The following GRIK4 variants were observed in gnomAD, a reference collection of about 807,000 sequenced individuals.
GRIK4 encodes the protein glutamate receptor ionotropic, kainate 4.
A neutral mutation model predicts 104.9 loss-of-function variants in GRIK4; 40 were observed. The ratio of observed to expected loss-of-function variants is 0.38; its 90% CI spans 0.30 to 0.50. The LOEUF (loss-of-function observed/expected upper bound fraction) is 0.50, where lower values mean the gene tolerates loss of function less well. Among genes scored for constraint, GRIK4 ranks in the 20% least tolerant of loss-of-function variants. The pLI, the probability that GRIK4 is intolerant of heterozygous loss-of-function variation, is 0.93. For missense variants in GRIK4, 1,047 were observed against 1,308.1 expected (o/e 0.80, Z 3.08); for synonymous variants, 485 against 524.9 (o/e 0.92, Z 1.04).
chr11:120,757,524 A>G (rs1218797957), intron 3 of GRIK4, among the ~76,000 whole-genome samples: 1 of 152,234 alleles, frequency 6.6e-6, no homozygotes, highest in Non-Finnish European at 1.5e-5. Flanking sequence ...GTAGCCATTA[A>G]TATCTCTTTC....
chr11:120,721,686 G>C (rs780235120), intron 3 of GRIK4, among the ~76,000 whole-genome samples: 4 of 152,120 alleles, frequency 2.6e-5, no homozygotes, highest in African/African-American at 9.7e-5. Context: ...CAGGTGGCTG[G>C]TGGTCCAGAG....
At chr11:120,744,837 T>C (rs1951411746) in intron 3 of GRIK4, among the ~76,000 whole-genome samples, 5 of 152,232 alleles carry the variant, frequency 3.3e-5, no homozygotes, top group Admixed American at 2.6e-4. Context: ...TAATAACTGT[T>C]ATTTATATAA....
intron 3 of GRIK4, among the ~76,000 whole-genome samples, chr11:120,673,866 C>T (rs11217958): frequency 0.13 from 19,449 of 152,204 alleles, 1,365 homozygotes; most frequent in South Asian, 0.23. Context: ...TTTGCTTTTC[C>T]TTAGATTCAC....
intron 1 of GRIK4, among the ~76,000 whole-genome samples, chr11:120,589,445 C>G (rs1305672172): frequency 1.3e-5 from 2 of 152,170 alleles, no homozygotes; most frequent in Non-Finnish European, 1.5e-5. Flanking sequence ...CTGCTTTTGA[C>G]TGAAGATAAA....
intron 3 of GRIK4, among the ~76,000 whole-genome samples, chr11:120,718,068 A>G (rs1950867326): frequency 6.6e-6 from 1 of 152,200 alleles, no homozygotes; most frequent in Non-Finnish European, 1.5e-5. Flanking sequence ...TGATTCCAGG[A>G]AAGGATCATA....
intron 3 of GRIK4, among the ~76,000 whole-genome samples, chr11:120,686,189 A>G (rs1024150377): frequency 6.6e-6 from 1 of 152,200 alleles, no homozygotes; most frequent in Non-Finnish European, 1.5e-5. Flanking sequence ...ACATCCATCA[A>G]TCTGAACCCA....
intron 18 of GRIK4, among the ~76,000 whole-genome samples, chr11:120,964,672 G>T (rs1432580373): frequency 6.6e-6 from 1 of 152,144 alleles, no homozygotes; most frequent in Non-Finnish European, 1.5e-5. Context: ...CACAACTCTA[G>T]AAATTTTCAT....
At chr11:120,609,568 C>T (rs1314159473) in intron 1 of GRIK4, among the ~76,000 whole-genome samples, 1 of 121,012 alleles carries the variant, frequency 8.3e-6, no homozygotes, top group Admixed American at 1.1e-4. Context: ...GCTCTGTTGC[C>T]CAGGCTGGAG....
At chr11:120,566,760 G>A (rs1012516030) in intron 1 of GRIK4, among the ~76,000 whole-genome samples, 14 of 148,438 alleles carry the variant, frequency 9.4e-5, no homozygotes, top group African/African-American at 3.2e-4. Context: ...CTGGAGTGCA[G>A]TGGTGCGATC....
chr11:120,725,769 A>G (rs569723067), intron 3 of GRIK4, among the ~76,000 whole-genome samples: 3 of 152,282 alleles, frequency 2.0e-5, no homozygotes, highest in South Asian at 4.1e-4. Flanking sequence ...CTATGGAACT[A>G]TTGGGTCACT....
chr11:120,642,733 G>A (rs1051720359), intron 1 of GRIK4, among the ~76,000 whole-genome samples: 6 of 152,292 alleles, frequency 3.9e-5, no homozygotes, highest in Non-Finnish European at 5.9e-5. Flanking sequence ...GCGGCCTTGG[G>A]TTCTCCTTGC....
At chr11:120,624,200 C>T (rs960395595) in intron 1 of GRIK4, among the ~76,000 whole-genome samples, 2 of 152,206 alleles carry the variant, frequency 1.3e-5, no homozygotes, top group Non-Finnish European at 2.9e-5. Flanking sequence ...CATCTCATCA[C>T]ACTACTTTAA....
rs1355533551 is a variant in GRIK4, at chr11:120,988,190, T to C, written c.*1930T>C. On this transcript the variant is annotated 3_prime_UTR_variant, in exon 21 of 21. Coordinates refer to ENST00000527524, the MANE Select transcript of GRIK4 (RefSeq NM_014619.5). ...ACTCATGAATTTGAATCCTTTATCT[T>C]TTTTCTCTTTAACCATCAAATGACA... 3.3e-5 allele frequency: 5 copies of C among 152,178 alleles called. No individual in the cohort carries two copies. Among genetic ancestry groups the C allele is most frequent in the African/African-American group, 1.2e-4 (5 of 41,436 alleles). 9.4% of individuals were successfully genotyped at this position (152,178 alleles called of 1,614,324 possible).
chr11:120,925,816 C>CA (rs1283189742), intron 13 of GRIK4, among the ~76,000 whole-genome samples: 21 of 151,190 alleles, frequency 1.4e-4, no homozygotes, highest in South Asian at 8.3e-4. Flanking sequence ...ACTAAAAATA[C>CA]AAAAAAAATT....
At chr11:120,815,745 C>T (rs1329819365) in intron 5 of GRIK4, among the ~76,000 whole-genome samples, 1 of 152,042 alleles carries the variant, frequency 6.6e-6, no homozygotes, top group East Asian at 1.9e-4. Context: ...CCCCAGCGGC[C>T]TCTTGGTGGT....
At chr11:120,834,107 A>T (rs1275403514) in intron 7 of GRIK4, among the ~76,000 whole-genome samples, 3 of 152,346 alleles carry the variant, frequency 2.0e-5, no homozygotes, top group Middle Eastern at 3.4e-3. Flanking sequence ...AAGTGGAATT[A>T]CTGAGTTAAA....
In GRIK4 at chr11:120,986,200, C is replaced by T. The variant is rs776035075; in HGVS notation, c.2811C>T (p.Pro937=). 1.5e-5 allele frequency: 24 copies of T among 1,569,320 alleles called. No homozygotes were observed. Among genetic ancestry groups the T allele is most frequent in the African/African-American group, 9.8e-5 (7 of 71,676 alleles). Residue 937 remains proline, a synonymous_variant, in exon 21 of 21, where the codon CCC becomes CCT. Transcript: ENST00000527524. ...AGGGCCTGCGGGCACGGCCGTCGCC[C>T]GCCCGCAGCGAGGAGAGCCTGGAGT... ...RFQGLRARPS[P]ARSEESLEWE...
intron 17 of GRIK4, among the ~76,000 whole-genome samples, chr11:120,961,865 G>T (rs1039570998): frequency 6.6e-6 from 1 of 152,188 alleles, no homozygotes; most frequent in Non-Finnish European, 1.5e-5. Flanking sequence ...GCAAGTCTCC[G>T]TGCCTACTGG....
chr11:120,871,481 G>A (rs766361074), intron 9 of GRIK4: 4 of 399,012 alleles, frequency 1.0e-5, no homozygotes, highest in Non-Finnish European at 2.0e-5. Flanking sequence ...GGACTCGGGA[G>A]TGTGGTGGCT....
Sources: allele counts gnomAD v4.1 joint callset (sites outside exome capture counted in the v4.1 genomes callset), GRCh38; gene constraint gnomAD v4.1.1; transcripts MANE v1.5; gene names NCBI Gene and HGNC (gene_info 2026-07-23, HGNC 2026-07-21).